SPIDR: variants seen among roughly 807,000 people sequenced by gnomAD.
SPIDR encodes DNA repair-scaffolding protein.
Under a neutral mutation model 104.6 loss-of-function variants are expected in SPIDR, and 93 were observed. The ratio of observed to expected loss-of-function variants is 0.89; its 90% CI spans 0.75 to 1.06. SPIDR has a LOEUF of 1.06. SPIDR is among the 50% of genes least tolerant of loss of function. SPIDR has a pLI of 0.00. For synonymous variants in SPIDR, 431 were observed against 416.9 expected, an observed-to-expected ratio of 1.03 and a Z score of -0.41; for missense variants, 1,154 against 1,111.2, an observed-to-expected ratio of 1.04 and a Z score of -0.55.
intron 10 of SPIDR, among the ~76,000 whole-genome samples, chr8:47,633,764 T>C (rs1026570374): frequency 1.3e-5 from 2 of 152,094 alleles, no homozygotes; most frequent in African/African-American, 4.8e-5. Context: ...GGCAGTATTA[T>C]GGCTTGAAAA....
At chr8:47,624,381 A>G (rs1344711117) in intron 10 of SPIDR, among the ~76,000 whole-genome samples, 1 of 152,228 alleles carries the variant, frequency 6.6e-6, no homozygotes, top group Non-Finnish European at 1.5e-5. Context: ...AGAAATAACT[A>G]AGATCAGAGC....
At chr8:47,478,818 A>G (rs868928168) in intron 8 of SPIDR, among the ~76,000 whole-genome samples, 2 of 152,212 alleles carry the variant, frequency 1.3e-5, no homozygotes, top group South Asian at 4.1e-4. Context: ...TTTACCTACA[A>G]TTATAGCTCT....
At chr8:47,292,391 G>A (rs2040071795) in intron 4 of SPIDR, among the ~76,000 whole-genome samples, 1 of 152,094 alleles carries the variant, frequency 6.6e-6, no homozygotes, top group South Asian at 2.1e-4. Context: ...TAAGCTGATA[G>A]CAGTTCTATT....
intron 5 of SPIDR, among the ~76,000 whole-genome samples, chr8:47,323,609 C>A (rs1430012760): frequency 6.6e-6 from 1 of 152,072 alleles, no homozygotes. Flanking sequence ...TTTTTTAGAT[C>A]CAATTGGTTT....
At position 47,592,493 on chromosome 8, in the gene SPIDR, A is replaced by G. The variant is rs529777099; in HGVS notation, c.1098-3318A>G. The G allele has an allele frequency of 8.7e-5, 124 of 1,425,406 alleles. 2 individuals carry two copies. In the South Asian group the frequency reaches 1.2e-3, roughly 13 times the overall value. 88.3% of individuals were successfully genotyped at this position (1,425,406 alleles called of 1,614,324 possible). ...GGGGAAGGAATCCTGAGAGCCAGCA[A>G]TGACCACATGAAAATAACAGGCATT... is the stretch of plus-strand genomic sequence containing the variant. On this transcript the variant is annotated intron_variant, in intron 8 of 19. Coordinates refer to ENST00000297423, the MANE Select transcript of SPIDR (RefSeq NM_001080394.4).
chr8:47,487,929 C>T (rs2077976722), intron 8 of SPIDR, among the ~76,000 whole-genome samples: 2 of 152,122 alleles, frequency 1.3e-5, no homozygotes, highest in Non-Finnish European at 2.9e-5. Flanking sequence ...GACACCCTAA[C>T]ATCACAATTA....
chr8:47,414,761 A>C (rs182117606), intron 7 of SPIDR, among the ~76,000 whole-genome samples: 90 of 152,330 alleles, frequency 5.9e-4, no homozygotes, highest in African/African-American at 2.1e-3. Context: ...TATTTGAGTC[A>C]TTACAAATAA....
At chr8:47,408,565 A>G (rs572528631) in intron 7 of SPIDR, among the ~76,000 whole-genome samples, 2 of 152,316 alleles carry the variant, frequency 1.3e-5, no homozygotes, top group African/African-American at 2.4e-5. Flanking sequence ...GGCAGCCACC[A>G]TTGCAGTCTC....
chr8:47,466,904 T>TATATAC (rs1286163166), intron 8 of SPIDR, among the ~76,000 whole-genome samples: 23 of 112,616 alleles, frequency 2.0e-4, no homozygotes, highest in Non-Finnish European at 3.8e-4. Flanking sequence ...AAAAAAAATA[T>TATATAC]ATATATATAT....
chr8:47,287,552 C>T (rs1246062745), intron 3 of SPIDR, among the ~76,000 whole-genome samples: 1 of 152,246 alleles, frequency 6.6e-6, no homozygotes, highest in South Asian at 2.1e-4. Flanking sequence ...GACCTCCCCC[C>T]AGGAATGCAT....
intron 5 of SPIDR, among the ~76,000 whole-genome samples, chr8:47,318,989 C>T (rs1350242663): frequency 6.6e-6 from 1 of 150,732 alleles, no homozygotes; most frequent in African/African-American, 2.4e-5. Flanking sequence ...ACTGCAAAAA[C>T]ATGCCAAACT....
chr8:47,713,370 C>G, intron 15 of SPIDR, 119 bp from the exon 16 acceptor site: 3 of 1,404,546 alleles, frequency 2.1e-6, no homozygotes, highest in Non-Finnish European at 3.0e-6. Flanking sequence ...CTGCTGGACA[C>G]AGTCCCATAA....
intron 11 of SPIDR, among the ~76,000 whole-genome samples, chr8:47,675,097 C>T (rs1281933008): frequency 2.0e-5 from 3 of 152,116 alleles, no homozygotes; most frequent in African/African-American, 4.8e-5. Flanking sequence ...AGTGCAATGG[C>T]GCCGTCTTGG....
chr8:47,679,223 A>G (rs2076805490), intron 11 of SPIDR, among the ~76,000 whole-genome samples: 1 of 152,234 alleles, frequency 6.6e-6, no homozygotes, highest in Non-Finnish European at 1.5e-5. Context: ...GTCAGTGAGC[A>G]GTGTCACTGG....
chr8:47,409,979 G>A (rs2063280739), intron 7 of SPIDR, among the ~76,000 whole-genome samples: 2 of 152,128 alleles, frequency 1.3e-5, no homozygotes, highest in African/African-American at 4.8e-5. Context: ...AGTGAGCTAT[G>A]ATCGCACCTC....
intron 8 of SPIDR, among the ~76,000 whole-genome samples, chr8:47,469,878 A>T (rs1398541978): frequency 6.6e-6 from 1 of 152,232 alleles, no homozygotes; most frequent in Non-Finnish European, 1.5e-5. Context: ...GTAAAGAAGA[A>T]AACTACAAAA....
At chr8:47,456,058 G>A (rs115932876) in intron 8 of SPIDR, among the ~76,000 whole-genome samples, 96 of 152,236 alleles carry the variant, frequency 6.3e-4, no homozygotes, top group African/African-American at 2.1e-3. Flanking sequence ...TTGAGTGCAC[G>A]CATTACATTG....
At chr8:47,708,593 C>G (rs541771277) in intron 14 of SPIDR, among the ~76,000 whole-genome samples, 1 of 152,118 alleles carries the variant, frequency 6.6e-6, no homozygotes. Context: ...TGGGTTTGCA[C>G]AAATATGTAA....
chr8:47,567,558 C>G (rs2058025615), intron 8 of SPIDR, among the ~76,000 whole-genome samples: 1 of 152,014 alleles, frequency 6.6e-6, no homozygotes, highest in African/African-American at 2.4e-5. Flanking sequence ...GAATTCTGGA[C>G]TCTGCCATTG....
Sources: gnomAD v4.1 joint callset for allele counts (sites outside exome capture counted in the v4.1 genomes callset) on GRCh38, gnomAD v4.1.1 for gene constraint, MANE v1.5 for transcripts, NCBI Gene and HGNC (gene_info 2026-07-23, HGNC 2026-07-21) for gene names.